The following PPA2 variants were observed in gnomAD, a reference collection of about 807,000 sequenced individuals.
PPA2 encodes inorganic pyrophosphatase 2.
Under a neutral mutation model 49.5 loss-of-function variants are expected in PPA2, and 48 were observed. The observed-to-expected ratio is 0.97, with a 90% CI of 0.77 to 1.23. The LOEUF (loss-of-function observed/expected upper bound fraction) is 1.23, where lower values mean the gene tolerates loss of function less well. PPA2 is among the 50% of genes most tolerant of loss of function. The probability of loss-of-function intolerance (pLI) is 0.00; values close to 1 mark genes in which losing one functional copy is unlikely to be tolerated. For missense variants in PPA2, 429 were observed against 410.1 expected (o/e 1.05, Z -0.40); for synonymous variants, 131 against 139.9 (o/e 0.94, Z 0.45).
intron 7 of PPA2, among the ~76,000 whole-genome samples, chr4:105,418,554 A>T (rs1483332356): frequency 6.6e-6 from 1 of 152,220 alleles, no homozygotes; most frequent in East Asian, 1.9e-4. Flanking sequence ...TGAAAATGTC[A>T]GAACGGTCTC....
chr4:105,437,084 ACAACT>A (rs1347903364), intron 6 of PPA2, among the ~76,000 whole-genome samples: 1 of 152,166 alleles, frequency 6.6e-6, no homozygotes, highest in Non-Finnish European at 1.5e-5. Context: ...AAGGACTAAG[ACAACT>A]CAAACAACTC....
chr4:105,460,714 A>C (rs1417856468), intron 1 of PPA2, among the ~76,000 whole-genome samples: 1 of 152,144 alleles, frequency 6.6e-6, no homozygotes, highest in Non-Finnish European at 1.5e-5. Flanking sequence ...CATGGGGGTA[A>C]AAGAAACTTG....
chr4:105,456,525 T>C (rs1722881362), intron 2 of PPA2, 156 bp downstream of exon 2: 2 of 583,570 alleles, frequency 3.4e-6, no homozygotes, highest in South Asian at 2.1e-5. Flanking sequence ...ATACAACTTT[T>C]AATTCATATA....
chr4:105,375,578 C>T (rs1733217130), intron 10 of PPA2, among the ~76,000 whole-genome samples: 1 of 152,006 alleles, frequency 6.6e-6, no homozygotes, highest in South Asian at 2.1e-4. Flanking sequence ...AGTGCGTGCC[C>T]ATAGAGGGAA....
intron 7 of PPA2, among the ~76,000 whole-genome samples, chr4:105,400,388 G>C (rs1442424354): frequency 1.3e-5 from 2 of 152,104 alleles, no homozygotes; most frequent in African/African-American, 2.4e-5. Context: ...GCTCATGTCT[G>C]TAATCCCAGC....
chr4:105,474,033 C>T lies in PPA2; in HGVS notation c.18G>A (p.Arg6=). The part of the protein sequence containing the change: MSALL[R]LLRTGAPAAA... ...CGGCTGGGGCACCCGTGCGCAGCAG[C>T]CGCAGCAGCGCGCTCATGGCGTCAA... Residue 6 remains arginine, a synonymous_variant, in exon 1 of 12, where the codon CGG becomes CGA. Transcript: ENST00000341695. 3.1e-6 allele frequency: 5 copies of T among 1,594,088 alleles called. No individual in the cohort carries two copies. The highest frequency in any genetic ancestry group is 1.1e-5 in the South Asian group (1 of 89,268).
chr4:105,441,612 T>G (rs576393109), intron 5 of PPA2, among the ~76,000 whole-genome samples: 1 of 152,012 alleles, frequency 6.6e-6, no homozygotes, highest in African/African-American at 2.4e-5. Flanking sequence ...AACTCAAAAT[T>G]TGACTAACAG....
intron 7 of PPA2, among the ~76,000 whole-genome samples, chr4:105,410,392 C>T (rs1722696201): frequency 6.6e-6 from 1 of 152,150 alleles, no homozygotes; most frequent in Admixed American, 6.5e-5. Context: ...TGAATAAAGC[C>T]TCCAAGAAAT....
chr4:105,459,832 A>G (rs907184218), intron 1 of PPA2, among the ~76,000 whole-genome samples: 3 of 152,254 alleles, frequency 2.0e-5, no homozygotes, highest in African/African-American at 7.2e-5. Context: ...TTCCATTTAC[A>G]TAACATACTG....
chr4:105,414,703 TCTC>T (rs1347804017), intron 7 of PPA2, among the ~76,000 whole-genome samples: 8 of 152,288 alleles, frequency 5.3e-5, no homozygotes, highest in Admixed American at 3.3e-4. Flanking sequence ...GCTCTTCTCT[TCTC>T]CTTGTTGCCT....
intron 7 of PPA2, among the ~76,000 whole-genome samples, chr4:105,401,309 T>C (rs1722180308): frequency 6.6e-6 from 1 of 152,166 alleles, no homozygotes; most frequent in East Asian, 1.9e-4. Context: ...ACTAGTATTA[T>C]ATAAATACAA....
chr4:105,446,187 G>A (rs892385514), intron 5 of PPA2, 196 bp downstream of exon 5: 1 of 424,454 alleles, frequency 2.4e-6, no homozygotes. Context: ...CCAAGAACTT[G>A]AGTATAGACA....
At chr4:105,411,840 A>C (rs906813443) in intron 7 of PPA2, among the ~76,000 whole-genome samples, 1 of 152,190 alleles carries the variant, frequency 6.6e-6, no homozygotes, top group Non-Finnish European at 1.5e-5. Context: ...CCCATTCACA[A>C]TTGCTACAAA....
intron 6 of PPA2, among the ~76,000 whole-genome samples, chr4:105,429,930 C>T (rs879835082): frequency 8.5e-5 from 13 of 152,150 alleles, no homozygotes; most frequent in Non-Finnish European, 1.8e-4. Context: ...CCAGAAATAG[C>T]GTGACTTAAG....
chr4:105,431,382 TA>T, intron 6 of PPA2, among the ~76,000 whole-genome samples: 1 of 152,274 alleles, frequency 6.6e-6, no homozygotes, highest in East Asian at 1.9e-4. Context: ...TTGTTTTAAT[TA>T]AAAAAATCAC....
At chr4:105,383,084 T>C (rs550542465) in intron 10 of PPA2, among the ~76,000 whole-genome samples, 1 of 152,318 alleles carries the variant, frequency 6.6e-6, no homozygotes, top group East Asian at 1.9e-4. Flanking sequence ...CCACATGCTG[T>C]AGCCCACTCA....
At chr4:105,448,710 C>T (rs1416739864) in intron 4 of PPA2, among the ~76,000 whole-genome samples, 3 of 151,774 alleles carry the variant, frequency 2.0e-5, no homozygotes, top group African/African-American at 7.3e-5. Context: ...ATTAAAATTG[C>T]CATCAGCCCC....
Position 105,473,965 on chromosome 4 carries a change from C to A in PPA2, c.86G>T (p.Arg29Leu). 6.2e-7 allele frequency: 1 copy of A among 1,611,734 alleles called. No homozygotes were observed. The highest frequency in any genetic ancestry group is 1.1e-5 in the South Asian group (1 of 90,852). ...AGTGTGGTACAGGGCCATAGCACGG[C>A]GCGACCCGGTCCCTGCACTGGTCCC... ...RLGTSAGTGS[R>L]RAMALYHTEE... is the part of the protein sequence containing the mutation. The change falls in exon 1 of 12, where the codon CGC (arginine) becomes CTC (leucine). Residue 29 changes from arginine (R) to leucine (L), a missense_variant. Physicochemically the swap from Arg to Leu is moderately radical, Grantham distance 102. Transcript: ENST00000341695.
chr4:105,383,939 A>G lies in PPA2; in HGVS notation c.939+2628T>C, dbSNP rs570194951. On this transcript the variant is annotated intron_variant, in intron 10 of 11. Coordinates refer to ENST00000341695, the MANE Select transcript of PPA2 (RefSeq NM_176869.3). ...CTGATAGCACTTTGAAGACTGTACAATATTCAGTATACAGCAAAATGAAGA... is the reference window on the plus strand; with the variant it reads ...CTGATAGCACTTTGAAGACTGTACAGTATTCAGTATACAGCAAAATGAAGA... Among the ~76,000 whole-genome samples the G allele has an allele frequency of 7.2e-5, 11 of 152,284 alleles. No homozygotes were observed. In the South Asian group the frequency reaches 1.7e-3, roughly 23 times the overall value.
Sources: gnomAD v4.1 joint callset for allele counts (sites outside exome capture counted in the v4.1 genomes callset) on GRCh38, gnomAD v4.1.1 for gene constraint, MANE v1.5 for transcripts, NCBI Gene and HGNC (gene_info 2026-07-23, HGNC 2026-07-21) for gene names.